Variants in ADGRF5 observed in about 807,000 individuals in gnomAD.
ADGRF5 encodes G-protein coupled receptor 116.
A neutral mutation model predicts 132.3 loss-of-function variants in ADGRF5; 75 were observed. The ratio of observed to expected loss-of-function variants is 0.57; its 90% CI spans 0.47 to 0.69. The LOEUF is 0.69. Ranked by LOEUF, ADGRF5 falls within the 30% of genes least tolerant of loss-of-function variation. ADGRF5 has a pLI of 0.00. For missense variants in ADGRF5, 1,516 were observed against 1,630.6 expected, an observed-to-expected ratio of 0.93 and a Z score of 1.21; for synonymous variants, 629 against 597.6, an observed-to-expected ratio of 1.05 and a Z score of -0.77.
chr6:46,941,433 AAAGAAAAGAAAAGAAAAGAAAAG>A (rs1778069260), intron 1 of ADGRF5, among the ~76,000 whole-genome samples: 1 of 57,674 alleles, frequency 1.7e-5, no homozygotes, highest in African/African-American at 5.1e-5. Context: ...AAAGAAAAGA[AAAGAAAAGAAAAGAAAAGAAAAG>A]AAAAGAAAAG....
At chr6:46,898,687 C>T (rs1774426934) in intron 3 of ADGRF5, among the ~76,000 whole-genome samples, 1 of 152,182 alleles carries the variant, frequency 6.6e-6, no homozygotes, top group African/African-American at 2.4e-5. Context: ...GGCCACTGCA[C>T]CGTGAAAGGC....
intron 1 of ADGRF5, among the ~76,000 whole-genome samples, chr6:46,935,794 G>C (rs1476513453): frequency 6.6e-6 from 1 of 152,138 alleles, no homozygotes; most frequent in African/African-American, 2.4e-5. Flanking sequence ...AGCCTCCAGG[G>C]TCACCTGAAA....
upstream of ADGRF5, among the ~76,000 whole-genome samples, chr6:46,925,095 G>A (rs1777184041): frequency 6.6e-6 from 1 of 152,136 alleles, no homozygotes; most frequent in Non-Finnish European, 1.5e-5. Flanking sequence ...CAGAGCACAG[G>A]TCTTTTCAAC....
chr6:46,902,671 C>T (rs1265602471), intron 2 of ADGRF5, among the ~76,000 whole-genome samples: 1 of 152,182 alleles, frequency 6.6e-6, no homozygotes, highest in Non-Finnish European at 1.5e-5. Flanking sequence ...TCATCTGGAA[C>T]TTTCAGGCCA....
intron 9 of ADGRF5, 147 bp from the exon 10 acceptor site, chr6:46,878,552 A>G (rs979531478): frequency 8.7e-5 from 53 of 611,740 alleles, no homozygotes; most frequent in Admixed American, 1.1e-4. Context: ...CGCCTAAAAA[A>G]CCATTCAGGA....
intron 5 of ADGRF5, 54 bp from the exon 6 acceptor site, chr6:46,883,719 C>G (rs1331329817): frequency 7.5e-6 from 7 of 935,638 alleles, no homozygotes; most frequent in Non-Finnish European, 1.0e-5. Context: ...TGAGTATATA[C>G]AAACCAGAAA....
At chr6:46,872,472 C>T (rs1411435358) in intron 10 of ADGRF5, among the ~76,000 whole-genome samples, 2 of 152,054 alleles carry the variant, frequency 1.3e-5, no homozygotes, top group Non-Finnish European at 2.9e-5. Context: ...GAACAGATGT[C>T]AGATTATTTA....
intron 10 of ADGRF5, among the ~76,000 whole-genome samples, chr6:46,877,640 T>C (rs376371072): frequency 2.0e-5 from 3 of 152,008 alleles, no homozygotes; most frequent in East Asian, 3.9e-4. Flanking sequence ...AGATTTCAGA[T>C]TGAAAACAAA....
chr6:46,941,441 GAAAAGA>G (rs1354352232), intron 1 of ADGRF5, among the ~76,000 whole-genome samples: 2 of 47,538 alleles, frequency 4.2e-5, no homozygotes, highest in African/African-American at 6.1e-5. Flanking sequence ...GAAAAGAAAA[GAAAAGA>G]AAAGAAAAGA....
intron 14 of ADGRF5, among the ~76,000 whole-genome samples, chr6:46,863,540 T>C (rs563285): frequency 0.84 from 127,185 of 152,160 alleles, 54,965 homozygotes; most frequent in East Asian, 0.99. Context: ...GTAGGAACTC[T>C]AGGTACCCAT....
intron 2 of ADGRF5, among the ~76,000 whole-genome samples, chr6:46,903,805 C>T (rs768042468): frequency 4.6e-5 from 7 of 152,112 alleles, no homozygotes; most frequent in Non-Finnish European, 7.3e-5. Context: ...TTGCACCAAC[C>T]TAATACTAGA....
intron 6 of ADGRF5, 44 bp from the exon 7 acceptor site, chr6:46,882,151 A>G (rs769566689): frequency 7.8e-7 from 1 of 1,277,464 alleles, no homozygotes; most frequent in Admixed American, 1.7e-5. Context: ...AAAGTCGAGA[A>G]ATAGGTGTAT....
At chr6:46,916,009 C>G (rs113205448) in intron 1 of ADGRF5, among the ~76,000 whole-genome samples, 63 of 152,234 alleles carry the variant, frequency 4.1e-4, no homozygotes, top group Middle Eastern at 3.4e-3. Context: ...TTCTATGCTC[C>G]CATCCTCATC....
At chr6:46,892,049 A>T (rs183912493) in intron 3 of ADGRF5, among the ~76,000 whole-genome samples, 4 of 152,120 alleles carry the variant, frequency 2.6e-5, no homozygotes, top group African/African-American at 9.6e-5. Flanking sequence ...ACAGGCTCAA[A>T]AACACCACTG....
At chr6:46,879,011 A>G (rs1248282059) in intron 9 of ADGRF5, among the ~76,000 whole-genome samples, 2 of 152,194 alleles carry the variant, frequency 1.3e-5, no homozygotes, top group East Asian at 1.9e-4. Context: ...TGGTGAGGGC[A>G]GGGAGAACGA....
At chr6:46,905,516 T>C (rs1180099683) in intron 2 of ADGRF5, 5 of 152,006 alleles carry the variant, frequency 3.3e-5, no homozygotes, top group Non-Finnish European at 5.9e-5. Context: ...TTGCTCAAGT[T>C]TGGTTTAAAA....
At chr6:46,884,373 C>T in intron 4 of ADGRF5, 102 bp from the exon 5 acceptor site, 1 of 897,286 alleles carries the variant, frequency 1.1e-6, no homozygotes, top group East Asian at 2.5e-5. Context: ...ACATCCGAAT[C>T]TGACTTTATA....
chr6:46,895,384 A>G (rs759695295), intron 3 of ADGRF5, among the ~76,000 whole-genome samples: 3 of 151,836 alleles, frequency 2.0e-5, no homozygotes, highest in Non-Finnish European at 4.4e-5. Flanking sequence ...CTGCCGGCTC[A>G]GAGCACTCAG....
chr6:46,913,790 C>G (rs1235859724), intron 1 of ADGRF5, among the ~76,000 whole-genome samples: 1 of 152,152 alleles, frequency 6.6e-6, no homozygotes, highest in South Asian at 2.1e-4. Flanking sequence ...CTTTCACGTC[C>G]ACGCAGTAGG....
Sources: allele counts gnomAD v4.1 joint callset (sites outside exome capture counted in the v4.1 genomes callset), GRCh38; gene constraint gnomAD v4.1.1; transcripts MANE v1.5; gene names NCBI Gene and HGNC (gene_info 2026-07-23, HGNC 2026-07-21).